GABRG3: variants seen among roughly 807,000 people sequenced by gnomAD.
GABRG3 encodes the protein gamma-aminobutyric acid receptor subunit gamma-3.
A neutral mutation model predicts 48.8 loss-of-function variants in GABRG3; 25 were observed. The observed-to-expected ratio is 0.51, with a 90% CI of 0.37 to 0.72. The LOEUF is 0.72. Among genes scored for constraint, GABRG3 ranks in the 30% least tolerant of loss-of-function variants. The probability of loss-of-function intolerance (pLI) is 0.00; values close to 1 mark genes in which losing one functional copy is unlikely to be tolerated. For synonymous variants in GABRG3, 227 were observed against 217.6 expected (o/e 1.04, Z -0.38); for missense variants, 394 against 577.9 (o/e 0.68, Z 3.26).
rs555870646 is a variant in GABRG3, at chr15:27,199,388, A to G, written c.271-127421A>G. 4.6e-5 allele frequency among the ~76,000 whole-genome samples: 7 copies of G among 152,266 alleles called. No individual in the cohort carries two copies. The South Asian group carries it at 1.2e-3, about 27-fold the overall frequency. On this transcript the variant is annotated intron_variant, in intron 3 of 9. Transcript: ENST00000615808. Reference sequence around the variant, plus strand: ...TTTGATGGAGTATGAGCGAAAGAGAATGTGTTCCCCACTGGGAGGGTGAGG... The same window carrying G: ...TTTGATGGAGTATGAGCGAAAGAGAGTGTGTTCCCCACTGGGAGGGTGAGG...
In GABRG3 at chr15:27,398,660, G is replaced by A. The variant is rs573653903; in HGVS notation, c.574+69772G>A. Among the ~76,000 whole-genome samples the A allele has an allele frequency of 4.0e-5, 6 of 148,578 alleles. No individual in the cohort carries two copies. The South Asian group carries it at 1.3e-3, about 33-fold the overall frequency. ...TATGTTTGGGTAGGGGAGATGACAA[G>A]CGCGCGCACACACACACACACACAC... On this transcript the variant is annotated intron_variant, in intron 5 of 9. Transcript: ENST00000615808.
At chr15:27,095,600 T>C (rs1162930575) in intron 3 of GABRG3, among the ~76,000 whole-genome samples, 1 of 152,078 alleles carries the variant, frequency 6.6e-6, no homozygotes, top group African/African-American at 2.4e-5. Flanking sequence ...CATAACCGAG[T>C]GTATACTCAT....
intron 5 of GABRG3, among the ~76,000 whole-genome samples, chr15:27,455,824 TGTGA>T (rs36201739): frequency 0.49 from 74,409 of 150,854 alleles, 18,576 homozygotes; most frequent in East Asian, 0.67. Flanking sequence ...GTAGGTGGTT[TGTGA>T]GTGTGTGTGA....
intron 3 of GABRG3, among the ~76,000 whole-genome samples, chr15:27,148,212 T>C (rs773243560): frequency 1.3e-5 from 2 of 151,946 alleles, no homozygotes; most frequent in African/African-American, 4.8e-5. Context: ...TTTAGATTAT[T>C]ACCTAAATTA....
At chr15:27,516,472 C>T (rs959706812) in intron 6 of GABRG3, among the ~76,000 whole-genome samples, 4 of 152,208 alleles carry the variant, frequency 2.6e-5, no homozygotes, top group African/African-American at 9.7e-5. Flanking sequence ...GGGAACTGCT[C>T]CTCCTTCCAC....
At chr15:27,111,526 T>C (rs982626608) in intron 3 of GABRG3, among the ~76,000 whole-genome samples, 5 of 152,206 alleles carry the variant, frequency 3.3e-5, no homozygotes, top group African/African-American at 9.6e-5. Context: ...CTCGCTAGAC[T>C]GCTGGCAGCG....
chr15:27,498,910 C>T lies in GABRG3; in HGVS notation c.712+18123C>T, dbSNP rs190562756. On this transcript the variant is annotated intron_variant, in intron 6 of 9. Coordinates refer to ENST00000615808, the MANE Select transcript of GABRG3 (RefSeq NM_033223.5). ...TTTCACGGTGATCACTGTGACTGTC[C>T]GCCACTCTGTCCAGAAGGCTTGTCT... Among the ~76,000 whole-genome samples the T allele has an allele frequency of 7.6e-4, 115 of 152,256 alleles. No homozygotes were observed. The East Asian group carries it at 0.016, about 21-fold the overall frequency.
At chr15:27,476,837 C>A (rs1307038332) in intron 5 of GABRG3, among the ~76,000 whole-genome samples, 2 of 152,106 alleles carry the variant, frequency 1.3e-5, no homozygotes, top group African/African-American at 2.4e-5. Context: ...CAAATCCCAA[C>A]GAACTTAATG....
chr15:27,522,535 C>T (rs1190042226), intron 7 of GABRG3, among the ~76,000 whole-genome samples: 1 of 151,502 alleles, frequency 6.6e-6, no homozygotes, highest in African/African-American at 2.4e-5. Context: ...AAAATGTAAG[C>T]CATAAATAGC....
chr15:27,038,031 G>A (rs1235081761), intron 3 of GABRG3, among the ~76,000 whole-genome samples: 4 of 152,258 alleles, frequency 2.6e-5, no homozygotes, highest in Non-Finnish European at 5.9e-5. Flanking sequence ...ATCCCTCTGT[G>A]TGCAGCTGCT....
chr15:27,038,222 A>G (rs1896212299), intron 3 of GABRG3, among the ~76,000 whole-genome samples: 3 of 152,118 alleles, frequency 2.0e-5, no homozygotes, highest in Admixed American at 2.0e-4. Flanking sequence ...AAGACTGGGA[A>G]GTCCAAGATC....
intron 3 of GABRG3, among the ~76,000 whole-genome samples, chr15:27,252,525 AGG>A (rs915974341): frequency 7.9e-5 from 12 of 152,336 alleles, no homozygotes; most frequent in African/African-American, 2.9e-4. Flanking sequence ...CACCCCAGCC[AGG>A]GGATACTAGC....
chr15:27,198,269 C>T (rs930711515), intron 3 of GABRG3, among the ~76,000 whole-genome samples: 1 of 152,102 alleles, frequency 6.6e-6, no homozygotes, highest in African/African-American at 2.4e-5. Flanking sequence ...GGGCTAATAT[C>T]CAGAATCTAC....
chr15:27,262,880 T>G (rs571920291), intron 3 of GABRG3, among the ~76,000 whole-genome samples: 1 of 152,224 alleles, frequency 6.6e-6, no homozygotes, highest in South Asian at 2.1e-4. Flanking sequence ...ATATGTTTCC[T>G]CTTTCTTTCT....
At chr15:27,113,580 C>T (rs1313352810) in intron 3 of GABRG3, among the ~76,000 whole-genome samples, 2 of 152,186 alleles carry the variant, frequency 1.3e-5, no homozygotes, top group African/African-American at 4.8e-5. Context: ...GGCCTCTGCA[C>T]AGTCATTATA....
intron 6 of GABRG3, among the ~76,000 whole-genome samples, chr15:27,507,597 T>C (rs1890792139): frequency 6.6e-6 from 1 of 152,140 alleles, no homozygotes; most frequent in African/African-American, 2.4e-5. Flanking sequence ...TTGCCGAACA[T>C]TCTATATGTA....
At chr15:27,253,480 C>T (rs1014667988) in intron 3 of GABRG3, among the ~76,000 whole-genome samples, 1 of 152,242 alleles carries the variant, frequency 6.6e-6, no homozygotes, top group Non-Finnish European at 1.5e-5. Flanking sequence ...ATCTGACTGC[C>T]ACAGGAGAAC....
intron 3 of GABRG3, among the ~76,000 whole-genome samples, chr15:27,033,574 G>GT (rs1473428372): frequency 1.3e-5 from 2 of 151,864 alleles, no homozygotes; most frequent in African/African-American, 4.8e-5. Flanking sequence ...TTGTTTTCAG[G>GT]TTTTTTCTAT....
chr15:27,483,515 A>G (rs1044532717), intron 6 of GABRG3, among the ~76,000 whole-genome samples: 3 of 152,224 alleles, frequency 2.0e-5, no homozygotes, highest in African/African-American at 7.2e-5. Flanking sequence ...GGTGAATACA[A>G]TTTAACCCGT....
Sources: gnomAD v4.1 joint callset for allele counts (sites outside exome capture counted in the v4.1 genomes callset) on GRCh38, gnomAD v4.1.1 for gene constraint, MANE v1.5 for transcripts, NCBI Gene and HGNC (gene_info 2026-07-23, HGNC 2026-07-21) for gene names.